Variants in PMVK observed in about 807,000 individuals in gnomAD.
PMVK encodes the protein phosphomevalonate kinase.
In PMVK, 10 loss-of-function variants were observed where a neutral mutation model predicts 19.0. The ratio of observed to expected loss-of-function variants is 0.53; its 90% CI spans 0.32 to 0.89. PMVK has a LOEUF of 0.89. Among genes scored for constraint, PMVK ranks in the 40% least tolerant of loss-of-function variants. The pLI is 0.03. For missense variants in PMVK, 222 were observed against 251.1 expected, an observed-to-expected ratio of 0.88 and a Z score of 0.78; for synonymous variants, 108 against 101.6, an observed-to-expected ratio of 1.06 and a Z score of -0.38.
Position 154,936,644 on chromosome 1 carries a change from G to A in PMVK, c.42C>T (p.Phe14=), listed in dbSNP as rs1008544982. Residue 14 remains phenylalanine, a synonymous_variant, in exon 1 of 5, where the codon TTC becomes TTT. Transcript: ENST00000368467. ...CCTTCCCGGATTTCCTCTTGCCGCT[G>A]AACAGCAGTACCAGCCGCGGGGCGC... ...LGGAPRLVLL[F]SGKRKSGKDF... 8.7e-6 allele frequency: 14 copies of A among 1,609,510 alleles called. No individual in the cohort carries two copies. The highest frequency in any genetic ancestry group is 2.2e-5 in the East Asian group (1 of 44,782).
chr1:154,941,440 G>A (rs1320935869), upstream of PMVK, among the ~76,000 whole-genome samples: 3 of 152,168 alleles, frequency 2.0e-5, no homozygotes, highest in African/African-American at 7.2e-5. Flanking sequence ...TTAGGCAACA[G>A]CCCTCCACAC....
At position 154,925,127 on chromosome 1, in the gene PMVK, G is replaced by A. The variant is rs372281655; in HGVS notation, c.*2C>T. The A allele has an allele frequency of 1.5e-5, 23 of 1,542,290 alleles. No individual in the cohort carries two copies. Among genetic ancestry groups the A allele is most frequent in the Non-Finnish European group, 1.9e-5 (21 of 1,122,594 alleles). On this transcript the variant is annotated 3_prime_UTR_variant, in exon 5 of 5. Coordinates refer to ENST00000368467, the MANE Select transcript of PMVK (RefSeq NM_006556.4). The stretch of plus-strand genomic sequence containing the variant: ...CCCCAGCTCACTCCTAGAACCTAGT[G>A]ACTAAAGTCTGGAGCGGATAAATTC...
Position 154,934,506 on chromosome 1 carries a change from G to A in PMVK, c.95+2085C>T, listed in dbSNP as rs1030312306. ...TAATTTTTTTTATCTTTTGTAGAGA[G>A]GGGGTCTCACTATGTTGCCCTGGCT... On this transcript the variant is annotated intron_variant, in intron 1 of 4. Coordinates refer to ENST00000368467, the MANE Select transcript of PMVK (RefSeq NM_006556.4). Among the ~76,000 whole-genome samples the A allele has an allele frequency of 6.3e-4, 95 of 152,000 alleles. 1 individual carries two copies. Among genetic ancestry groups the A allele is most frequent in the African/African-American group, 2.1e-3 (86 of 41,350 alleles).
chr1:154,924,774 G>C lies in PMVK; in HGVS notation c.*355C>G, dbSNP rs926881034. ...AGAGGTTTATTAGTATCCACACTGG[G>C]GAGCTCTGGGTTCTTGCCCAGAACA... On this transcript the variant is annotated 3_prime_UTR_variant, in exon 5 of 5. Transcript: ENST00000368467. 3.9e-6 allele frequency: 1 copy of C among 256,930 alleles called. No individual in the cohort carries two copies. The highest frequency in any genetic ancestry group is 2.2e-5 in the African/African-American group (1 of 45,572). The allele number at this position is 256,930 out of a possible 1,614,324, so 15.9% of individuals were successfully genotyped here.
chr1:154,935,647 T>A (rs1350154713), intron 1 of PMVK, among the ~76,000 whole-genome samples: 1 of 152,224 alleles, frequency 6.6e-6, no homozygotes, highest in Non-Finnish European at 1.5e-5. Flanking sequence ...GATTTGCCAC[T>A]TACTTTGTGA....
chr1:154,926,251 C>T, intron 4 of PMVK, 103 bp downstream of exon 4: 1 of 1,120,568 alleles, frequency 8.9e-7, no homozygotes. Flanking sequence ...GCCTCAGATT[C>T]TCCTTTATCA....
chr1:154,928,407 T>C (rs1654234622), intron 3 of PMVK, among the ~76,000 whole-genome samples: 1 of 152,202 alleles, frequency 6.6e-6, no homozygotes, highest in Middle Eastern at 3.2e-3. Flanking sequence ...TTCATTTTGT[T>C]CATGAGCACA....
chr1:154,926,597 C>G, intron 3 of PMVK, 114 bp from the exon 4 acceptor site: 1 of 800,766 alleles, frequency 1.2e-6, no homozygotes, highest in Non-Finnish European at 2.0e-6. Context: ...CCCCCATCAT[C>G]GTGAGCATGT....
At position 154,929,043 on chromosome 1, in the gene PMVK, C is replaced by G. The variant is rs775004187; in HGVS notation, c.293G>C (p.Gly98Ala). ...TCTTACCCAGATGGGCTGGGAGATG[C>G]CCTCCACAATCTTCCTGCAAAAGAA... Reference protein sequence around the residue: ...PGFFCRKIVEGISQPIWLVSD... With the variant: ...PGFFCRKIVEAISQPIWLVSD... The change falls in exon 3 of 5, where the codon GGC becomes GCC. Residue 98 changes from glycine (G) to alanine (A), a missense_variant. Physicochemically the swap from Gly to Ala is moderately conservative, Grantham distance 60 (BLOSUM62 0). Coordinates refer to ENST00000368467, the MANE Select transcript of PMVK (RefSeq NM_006556.4). The G allele has an allele frequency of 1.9e-6, 3 of 1,613,902 alleles. No homozygotes were observed. The Admixed American group carries it at 5.0e-5, about 27-fold the overall frequency.
At chr1:154,927,448 C>CAAAA (rs59872946) in intron 3 of PMVK, among the ~76,000 whole-genome samples, 1 of 35,544 alleles carries the variant, frequency 2.8e-5, no homozygotes, top group Non-Finnish European at 6.1e-5. Flanking sequence ...GACTCTGTCT[C>CAAAA]AAAAAAAAAA....
intron 2 of PMVK, among the ~76,000 whole-genome samples, chr1:154,931,873 G>A (rs193109824): frequency 3.8e-4 from 58 of 152,008 alleles, no homozygotes; most frequent in African/African-American, 1.3e-3. Flanking sequence ...TAAAGAAACG[G>A]AGATGGGGTT....
chr1:154,940,732 A>G (rs572122681), upstream of PMVK, among the ~76,000 whole-genome samples: 93 of 152,268 alleles, frequency 6.1e-4, no homozygotes, highest in African/African-American at 2.1e-3. Flanking sequence ...AGCTAATCCA[A>G]TTAGCCTCGG....
chr1:154,934,345 G>T (rs1654435484), intron 1 of PMVK, among the ~76,000 whole-genome samples: 1 of 151,950 alleles, frequency 6.6e-6, no homozygotes, highest in Admixed American at 6.6e-5. Context: ...AAGAGTCAGG[G>T]TCTTGCTGTC....
chr1:154,935,521 C>A (rs867710634), intron 1 of PMVK, among the ~76,000 whole-genome samples: 2 of 152,174 alleles, frequency 1.3e-5, no homozygotes, highest in East Asian at 3.8e-4. Flanking sequence ...CAGAAAGAAA[C>A]CAGTCCTTGG....
chr1:154,936,037 G>A (rs1654492595), intron 1 of PMVK, among the ~76,000 whole-genome samples: 1 of 152,192 alleles, frequency 6.6e-6, no homozygotes, highest in East Asian at 1.9e-4. Flanking sequence ...GTGAAATGGA[G>A]ATGCTAATAA....
intron 3 of PMVK, 94 bp from the exon 4 acceptor site, chr1:154,926,577 T>C (rs1654171688): frequency 2.8e-6 from 3 of 1,065,560 alleles, no homozygotes; most frequent in Admixed American, 2.1e-5. Flanking sequence ...GTGTGGGGTG[T>C]GGCTCTACCC....
intron 1 of PMVK, among the ~76,000 whole-genome samples, chr1:154,932,909 T>C (rs547530841): frequency 6.6e-6 from 1 of 152,252 alleles, no homozygotes; most frequent in African/African-American, 2.4e-5. Flanking sequence ...AAGACCAGCC[T>C]GGGCAACACA....
upstream of PMVK, among the ~76,000 whole-genome samples, chr1:154,940,685 C>A (rs1654623001): frequency 6.6e-6 from 1 of 152,186 alleles, no homozygotes; most frequent in Non-Finnish European, 1.5e-5. Flanking sequence ...CTCCTGGCAC[C>A]ATTAAGAGAG....
In PMVK at chr1:154,924,947, C is replaced by A; in HGVS notation, c.*182G>T. 1 of 646,448 alleles carries A rather than the reference C, an allele frequency of 1.5e-6. No individual in the cohort carries two copies. The highest frequency in any genetic ancestry group is 2.7e-5 in the Admixed American group (1 of 37,624). The allele number at this position is 646,448 out of a possible 1,614,324, so 40.0% of individuals were successfully genotyped here. On this transcript the variant is annotated 3_prime_UTR_variant, in exon 5 of 5. Transcript: ENST00000368467. Reference sequence around the variant, plus strand: ...CCTCCTGAAGAGCATGGCTGTCTTCCCCATGGAGAAAATGAGGTCTCCAGA... The same window carrying A: ...CCTCCTGAAGAGCATGGCTGTCTTCACCATGGAGAAAATGAGGTCTCCAGA...
Sources: allele counts gnomAD v4.1 joint callset (sites outside exome capture counted in the v4.1 genomes callset), GRCh38; gene constraint gnomAD v4.1.1; transcripts MANE v1.5; gene names NCBI Gene and HGNC (gene_info 2026-07-23, HGNC 2026-07-21).